Variants in STAG1 observed in about 807,000 individuals in gnomAD.
STAG1 encodes cohesin subunit SA-1.
STAG1 carries 26 observed loss-of-function variants against 170.9 expected under a neutral mutation model. The observed-to-expected ratio is 0.15, with a 90% confidence interval of 0.11 to 0.21. The LOEUF (loss-of-function observed/expected upper bound fraction) is 0.21. Ranked by LOEUF, STAG1 falls within the 10% of genes least tolerant of loss-of-function variation. The pLI is 1.00. For missense variants in STAG1, 964 were observed against 1,509.5 expected, an observed-to-expected ratio of 0.64 and a Z score of 5.99; for synonymous variants, 514 against 497.7, an observed-to-expected ratio of 1.03 and a Z score of -0.44.
At position 136,602,851 on chromosome 3, in the gene STAG1, T is replaced by C. The variant is rs576739498; in HGVS notation, c.297+1458A>G. On this transcript the variant is annotated intron_variant, in intron 4 of 33. Transcript: ENST00000383202. ...CAAGACTCTGTCTCAGAAACAAAAG[T>C]ATAATGAATAAATTATCAAGCTTAA... Among the ~76,000 whole-genome samples, 3 of 152,174 alleles carry C rather than the reference T, an allele frequency of 2.0e-5. No individual in the cohort carries two copies. In the East Asian group the frequency reaches 5.8e-4, roughly 29 times the overall value.
intron 5 of STAG1, among the ~76,000 whole-genome samples, chr3:136,556,846 G>A (rs1354010143): frequency 6.6e-6 from 1 of 152,060 alleles, no homozygotes; most frequent in Non-Finnish European, 1.5e-5. Context: ...ACCTCCCAAA[G>A]TGTTGGGATT....
Position 136,477,427 on chromosome 3 carries a change from A to T in STAG1, c.903-15T>A, listed in dbSNP as rs1408034253. The T allele has an allele frequency of 6.3e-7, 1 of 1,587,400 alleles. No homozygotes were observed. The highest frequency in any genetic ancestry group is 2.3e-5 in the East Asian group (1 of 44,362). On this transcript the variant is annotated splice_polypyrimidine_tract_variant and intron_variant, in intron 9 of 33. Coordinates refer to ENST00000383202, the MANE Select transcript of STAG1 (RefSeq NM_005862.3). ...CAATAGCATCACTAGAGAGAGAAAAAAAAGACAATCTCAAATTAATATACA... is the reference window on the plus strand; with the variant it reads ...CAATAGCATCACTAGAGAGAGAAAATAAAGACAATCTCAAATTAATATACA...
At chr3:136,623,609 A>T (rs1040400845) in intron 2 of STAG1, among the ~76,000 whole-genome samples, 1 of 152,182 alleles carries the variant, frequency 6.6e-6, no homozygotes, top group Non-Finnish European at 1.5e-5. Flanking sequence ...CATGAAGGGC[A>T]GTGTTATGCC....
At chr3:136,375,582 C>G (rs1400120003) in intron 23 of STAG1, among the ~76,000 whole-genome samples, 2 of 152,124 alleles carry the variant, frequency 1.3e-5, no homozygotes, top group Non-Finnish European at 2.9e-5. Flanking sequence ...AGGCAGCATA[C>G]AGAGAATCCA....
intron 21 of STAG1, among the ~76,000 whole-genome samples, chr3:136,402,404 G>A (rs1442739308): frequency 2.6e-5 from 4 of 151,266 alleles, no homozygotes; most frequent in Non-Finnish European, 5.9e-5. Context: ...TTTCAGTAGA[G>A]ATGGGGTTTC....
At chr3:136,354,754 CAAAAA>C in intron 28 of STAG1, among the ~76,000 whole-genome samples, 1 of 6,506 alleles carries the variant, frequency 1.5e-4, no homozygotes, top group Non-Finnish European at 2.4e-4. Context: ...GAGAAAGAAC[CAAAAA>C]AAAAAAAAAC....
Position 136,433,625 on chromosome 3 carries a change from C to T in STAG1, c.1581G>A (p.Glu527=). 1 of 1,608,346 alleles carries T rather than the reference C, an allele frequency of 6.2e-7. No individual in the cohort carries two copies. The highest frequency in any genetic ancestry group is 8.5e-7 in the Non-Finnish European group (1 of 1,177,944). The part of the protein sequence containing the change: ...MSDRQESALI[E]LMVCTIRQAA... ...CTTGACGAATTGTACAAACCATTAG[C>T]TCTATAAGAGCACTCTCTTGACGAT... is the stretch of plus-strand genomic sequence containing the variant. Residue 527 remains glutamate, a synonymous_variant, in exon 16 of 34, where the codon GAG becomes GAA. Coordinates refer to ENST00000383202, the MANE Select transcript of STAG1 (RefSeq NM_005862.3).
At chr3:136,642,578 CA>C (rs891221934) in intron 1 of STAG1, among the ~76,000 whole-genome samples, 1 of 152,170 alleles carries the variant, frequency 6.6e-6, no homozygotes, top group Non-Finnish European at 1.5e-5. Flanking sequence ...CAATTTCAAG[CA>C]ACCCTTGATG....
chr3:136,612,708 T>C (rs1030394320), intron 3 of STAG1, among the ~76,000 whole-genome samples: 1 of 152,114 alleles, frequency 6.6e-6, no homozygotes, highest in African/African-American at 2.4e-5. Context: ...CATCCATGTC[T>C]TTTAGTGGCC....
chr3:136,396,524 T>G (rs1463245596), intron 22 of STAG1, among the ~76,000 whole-genome samples: 1 of 41,928 alleles, frequency 2.4e-5, no homozygotes, highest in Non-Finnish European at 5.8e-5. Context: ...CCTGGCCTTT[T>G]TTTTTTTTTT....
chr3:136,561,355 G>T (rs974986224), intron 5 of STAG1, among the ~76,000 whole-genome samples: 1 of 152,202 alleles, frequency 6.6e-6, no homozygotes, highest in African/African-American at 2.4e-5. Context: ...AGTTTTCATT[G>T]AGTGCTTTTA....
chr3:136,541,537 T>TTCACACACACACACACACACTCAC (rs1553743092), intron 6 of STAG1, among the ~76,000 whole-genome samples: 1 of 50,826 alleles, frequency 2.0e-5, no homozygotes, highest in Non-Finnish European at 4.7e-5. Context: ...AAGCTTAACA[T>TTCACACACACACACACACACTCAC]TCACACACAC....
intron 7 of STAG1, among the ~76,000 whole-genome samples, chr3:136,510,801 G>A (rs952824024): frequency 6.6e-6 from 1 of 151,740 alleles, no homozygotes; most frequent in East Asian, 1.9e-4. Context: ...TTTTTGAGAT[G>A]GAGTCTTGCT....
intron 2 of STAG1, among the ~76,000 whole-genome samples, chr3:136,626,410 G>A (rs1184404950): frequency 6.7e-6 from 1 of 148,614 alleles, no homozygotes; most frequent in Non-Finnish European, 1.5e-5. Flanking sequence ...GAGCAACAGA[G>A]TGAGACTACA....
In STAG1 at chr3:136,422,590, C is replaced by G. The variant is rs2107730009; in HGVS notation, c.1857G>C (p.Gln619His). The change falls in exon 19 of 34, where the codon CAG becomes CAC. Residue 619 changes from glutamine (Q) to histidine (H), a missense_variant. Transcript: ENST00000383202. The stretch of plus-strand genomic sequence containing the variant: ...CGTGTTTCTCCACAACAAACTTAAT[C>G]TGTTTTAATAAAGCATCCAGATGCT... ...MEKHLDALLK[Q>H]IKFVVEKHVE... The G allele has an allele frequency of 6.2e-7, 1 of 1,613,868 alleles. No individual in the cohort carries two copies. The highest frequency in any genetic ancestry group is 8.5e-7 in the Non-Finnish European group (1 of 1,179,946).
chr3:136,680,748 C>A (rs948481451), intron 1 of STAG1, among the ~76,000 whole-genome samples: 1 of 150,970 alleles, frequency 6.6e-6, no homozygotes, highest in Non-Finnish European at 1.5e-5. Flanking sequence ...CATTGAATAA[C>A]ACAAAAAAAT....
chr3:136,528,570 C>T (rs1323212170), intron 6 of STAG1, among the ~76,000 whole-genome samples: 1 of 133,530 alleles, frequency 7.5e-6, no homozygotes, highest in African/African-American at 2.8e-5. Context: ...CAGTGAGATA[C>T]AACAGAATTC....
At chr3:136,711,626 T>G (rs189370392) in intron 1 of STAG1, among the ~76,000 whole-genome samples, 56 of 152,068 alleles carry the variant, frequency 3.7e-4, no homozygotes, top group Admixed American at 3.3e-4. Context: ...GCTCAATAAA[T>G]GAGGCAGTGA....
At chr3:136,449,496 G>A (rs1489577560) in intron 14 of STAG1, among the ~76,000 whole-genome samples, 2 of 151,634 alleles carry the variant, frequency 1.3e-5, no homozygotes, top group Admixed American at 1.3e-4. Flanking sequence ...GGAGACAGAG[G>A]TTGCAGTGAG....
Sources: gnomAD v4.1 joint callset for allele counts (sites outside exome capture counted in the v4.1 genomes callset) on GRCh38, gnomAD v4.1.1 for gene constraint, MANE v1.5 for transcripts, NCBI Gene and HGNC (gene_info 2026-07-23, HGNC 2026-07-21) for gene names.